CD300LB: variants seen among roughly 807,000 people sequenced by gnomAD.
CD300LB encodes CD300 molecule like family member b.
Under a neutral mutation model 20.8 loss-of-function variants are expected in CD300LB, and 18 were observed. The ratio of observed to expected loss-of-function variants is 0.87; its 90% CI spans 0.60 to 1.28. CD300LB has a LOEUF of 1.28. Ranked by LOEUF, CD300LB falls within the 50% of genes most tolerant of loss-of-function variation. The pLI, the probability that CD300LB is intolerant of heterozygous loss-of-function variation, is 0.00. For synonymous variants in CD300LB, 91 were observed against 91.3 expected, an observed-to-expected ratio of 1.00 and a Z score of 0.02; for missense variants, 222 against 251.8, an observed-to-expected ratio of 0.88 and a Z score of 0.80.
At chr17:74,529,836 T>C (rs530846162) in intron 1 of CD300LB, among the ~76,000 whole-genome samples, 2 of 152,212 alleles carry the variant, frequency 1.3e-5, no homozygotes, top group Admixed American at 6.5e-5. Context: ...AAACATAAAT[T>C]GGATTTGTCA....
chr17:74,526,109 T>C lies in CD300LB; in HGVS notation c.41-32A>G, dbSNP rs1262873935. On this transcript the variant is annotated intron_variant, in intron 1 of 3. Transcript: ENST00000392621. ...AACAGAATCCCAAGATACAGCTCAT[T>C]GCACCGGCACGAACCCCTGCTCTGG... is the stretch of plus-strand genomic sequence containing the variant. 4.4e-6 allele frequency: 7 copies of C among 1,599,210 alleles called. No homozygotes were observed. The Admixed American group carries it at 1.0e-4, about 23-fold the overall frequency.
At chr17:74,529,771 C>CA (rs1318357168) in intron 1 of CD300LB, among the ~76,000 whole-genome samples, 19 of 152,182 alleles carry the variant, frequency 1.2e-4, no homozygotes, top group African/African-American at 4.6e-4. Flanking sequence ...ACCTGGGTGA[C>CA]AGAGTGAAAC....
Position 74,522,660 on chromosome 17 carries a change from C to G in CD300LB, c.*78G>C. ...TATCTCAGTCACTGCATCCCGAGGA[C>G]TCGTAGATGTTCCTTCCACAGCCCG... On this transcript the variant is annotated 3_prime_UTR_variant, in exon 4 of 4. Transcript: ENST00000392621. 6.3e-7 allele frequency: 1 copy of G among 1,584,692 alleles called. No individual in the cohort carries two copies. The highest frequency in any genetic ancestry group is 8.6e-7 in the Non-Finnish European group (1 of 1,164,312).
In CD300LB at chr17:74,523,642, G is replaced by A. The variant is rs1423886996; in HGVS notation, c.380C>T (p.Ala127Val). 4 of 1,612,746 alleles carry A rather than the reference G, an allele frequency of 2.5e-6. No individual in the cohort carries two copies. The highest frequency in any genetic ancestry group is 2.5e-6 in the Non-Finnish European group (3 of 1,178,824). ...VKVIVDPEGAASTTASSPTNS... is the reference protein window; with the variant it reads ...VKVIVDPEGAVSTTASSPTNS... ...GGTAGGTGAGCTTGCTGTTGTGGAA[G>A]CCGCTCCCTCTAGACACAGGCAAAG... The change falls in exon 3 of 4, where the codon GCT becomes GTT. Residue 127 changes from alanine to valine, a missense_variant. Coordinates refer to ENST00000392621, the MANE Select transcript of CD300LB (RefSeq NM_174892.4).
chr17:74,522,724 G>C lies in CD300LB; in HGVS notation c.*14C>G. The C allele has an allele frequency of 6.2e-7, 1 of 1,614,044 alleles. No individual in the cohort carries two copies. The highest frequency in any genetic ancestry group is 8.5e-7 in the Non-Finnish European group (1 of 1,179,932). ...AACGTGGCCAGGGCAGGAAGGCTCTGCAGATCCATCTCTCTAAGTGGCCAT... is the reference window on the plus strand; with the variant it reads ...AACGTGGCCAGGGCAGGAAGGCTCTCCAGATCCATCTCTCTAAGTGGCCAT... On this transcript the variant is annotated 3_prime_UTR_variant, in exon 4 of 4. Coordinates refer to ENST00000392621, the MANE Select transcript of CD300LB (RefSeq NM_174892.4).
intron 3 of CD300LB, 63 bp from the exon 4 acceptor site, chr17:74,522,963 C>T (rs1907928853): frequency 1.3e-6 from 2 of 1,507,858 alleles, no homozygotes; most frequent in African/African-American, 1.4e-5. Flanking sequence ...CTCCCATCCC[C>T]TGACCCTGTG....
intron 1 of CD300LB, among the ~76,000 whole-genome samples, chr17:74,531,041 G>A (rs1314673630): frequency 1.3e-5 from 2 of 152,198 alleles, no homozygotes; most frequent in Admixed American, 1.3e-4. Flanking sequence ...CTGGACTCAA[G>A]CAATCCTCCC....
In CD300LB at chr17:74,525,941, C is replaced by A. The variant is rs1307470122; in HGVS notation, c.177G>T (p.Lys59Asn). The A allele has an allele frequency of 1.7e-5, 27 of 1,614,058 alleles. No homozygotes were observed. The highest frequency in any genetic ancestry group is 2.3e-5 in the Non-Finnish European group (27 of 1,180,054). ...CCGACCCTCTGGTTTCAATGAGGAT[C>A]TTGCATGTATCCCAGCGCACCCCTC... ...WCRGVRWDTC[K>N]ILIETRGSEQ... Residue 59 changes from lysine to asparagine, a missense_variant, in exon 2 of 4, where the codon AAG becomes AAT. Physicochemically the swap from Lys to Asn is moderately conservative, Grantham distance 94 (BLOSUM62 0). Transcript: ENST00000392621.
At chr17:74,531,021 T>C (rs956279858) in intron 1 of CD300LB, among the ~76,000 whole-genome samples, 1 of 152,164 alleles carries the variant, frequency 6.6e-6, no homozygotes, top group African/African-American at 2.4e-5. Flanking sequence ...CCCAAACTGG[T>C]CTTAAACGCC....
rs140186909 is a variant in CD300LB, at chr17:74,524,663, G to T, written c.371-1012C>A. On this transcript the variant is annotated intron_variant, in intron 2 of 3. Coordinates refer to ENST00000392621, the MANE Select transcript of CD300LB (RefSeq NM_174892.4). ...CTTTGGCCACACTAGGTGGGCTCCT[G>T]TCTGAGCTGCAGGTAATTCCAATCA... Among the ~76,000 whole-genome samples, 1,348 of 152,284 alleles carry T rather than the reference G, an allele frequency of 8.9e-3. 29 individuals carry two copies. Among genetic ancestry groups the T allele is most frequent in the African/African-American group, 0.03 (1,261 of 41,556 alleles).
At position 74,521,759 on chromosome 17, in the gene CD300LB, GTCCCT is replaced by G; in HGVS notation, c.*974_*978del. 1.0e-6 allele frequency: 1 copy of G among 985,584 alleles called. No homozygotes were observed. Among genetic ancestry groups the G allele is most frequent in the Non-Finnish European group, 1.2e-6 (1 of 830,016 alleles). The allele number at this position is 985,584 out of a possible 1,614,324, so 61.1% of individuals were successfully genotyped here. On this transcript the variant is annotated 3_prime_UTR_variant, in exon 4 of 4. Coordinates refer to ENST00000392621, the MANE Select transcript of CD300LB (RefSeq NM_174892.4). ...GCGGGAGCACATCTCACATGGGAAGGTCCCTTTGGTGTGAGGGTCCCTCAACCATA... is the reference window on the plus strand; with the variant it reads ...GCGGGAGCACATCTCACATGGGAAGGTTGGTGTGAGGGTCCCTCAACCATA...
intron 1 of CD300LB, among the ~76,000 whole-genome samples, chr17:74,530,591 A>ACACCCC (rs879389543): frequency 6.8e-6 from 1 of 146,760 alleles, no homozygotes; most frequent in African/African-American, 2.6e-5. Flanking sequence ...ACACACACAC[A>ACACCCC]CCCAACTCTC....
chr17:74,525,386 G>A (rs553230810), intron 2 of CD300LB, among the ~76,000 whole-genome samples: 5 of 152,122 alleles, frequency 3.3e-5, no homozygotes, highest in Non-Finnish European at 7.4e-5. Flanking sequence ...CAGTTAGTGG[G>A]ACTCAATACT....
intron 1 of CD300LB, among the ~76,000 whole-genome samples, chr17:74,529,127 G>T (rs971359976): frequency 6.6e-6 from 1 of 152,134 alleles, no homozygotes; most frequent in Non-Finnish European, 1.5e-5. Context: ...GTGAGACACT[G>T]TCTTCAAAAA....
rs376945758 is a variant in CD300LB at position 74,531,377 on chromosome 17, G to T, written c.-27C>A. The T allele has an allele frequency of 6.2e-7, 1 of 1,612,806 alleles. No individual in the cohort carries two copies. The highest frequency in any genetic ancestry group is 8.5e-7 in the Non-Finnish European group (1 of 1,179,418). ...GCTCTGCCTTCCCGGCTCCTCGTCC[G>T]CCTGATCTGCAACCAGTGGCAAATG... On this transcript the variant is annotated 5_prime_UTR_variant, in exon 1 of 4. Coordinates refer to ENST00000392621, the MANE Select transcript of CD300LB (RefSeq NM_174892.4).
At chr17:74,522,988 G>T in intron 3 of CD300LB, 88 bp from the exon 4 acceptor site, 2 of 1,332,560 alleles carry the variant, frequency 1.5e-6, no homozygotes, top group Non-Finnish European at 2.1e-6. Flanking sequence ...ACCAGCCAAA[G>T]CCTGTGACCC....
rs568897000 is a variant in CD300LB at position 74,522,113 on chromosome 17, G to C, written c.*625C>G. The C allele has an allele frequency of 1.0e-6, 1 of 985,100 alleles. No homozygotes were observed. Among genetic ancestry groups the C allele is most frequent in the Non-Finnish European group, 1.2e-6 (1 of 829,824 alleles). 61.0% of individuals were successfully genotyped at this position (985,100 alleles called of 1,614,324 possible). On this transcript the variant is annotated 3_prime_UTR_variant, in exon 4 of 4. Coordinates refer to ENST00000392621, the MANE Select transcript of CD300LB (RefSeq NM_174892.4). The stretch of plus-strand genomic sequence containing the variant: ...AGGTGGGAGGGGGAGGACAAGCACC[G>C]GGCCGGGCCAGGGAGGTTCCCATTG...
Position 74,521,952 on chromosome 17 carries a change from C to T in CD300LB, c.*786G>A. The T allele has an allele frequency of 2.0e-6, 2 of 985,442 alleles. No individual in the cohort carries two copies. The highest frequency in any genetic ancestry group is 5.2e-4 in the Middle Eastern group (1 of 1,916). 61.0% of individuals were successfully genotyped at this position (985,442 alleles called of 1,614,324 possible). A position where few individuals can be genotyped will look rare whatever the true frequency, so the allele number is the denominator to read the frequency against. On this transcript the variant is annotated 3_prime_UTR_variant, in exon 4 of 4. Coordinates refer to ENST00000392621, the MANE Select transcript of CD300LB (RefSeq NM_174892.4). ...ATGGTTTTCGTTACTGCCCTCCCCA[C>T]CTGGAGGTGGTTCTTGAGGCCTGAC...
At chr17:74,530,804 TTTTAC>T (rs1220642382) in intron 1 of CD300LB, among the ~76,000 whole-genome samples, 1 of 128,798 alleles carries the variant, frequency 7.8e-6, no homozygotes, top group Non-Finnish European at 1.9e-5. Context: ...TCTGGAGTCT[TTTTAC>T]TTTATTTTTT....
Sources: allele counts gnomAD v4.1 joint callset (sites outside exome capture counted in the v4.1 genomes callset), GRCh38; gene constraint gnomAD v4.1.1; transcripts MANE v1.5; gene names NCBI Gene and HGNC (gene_info 2026-07-23, HGNC 2026-07-21).